The following USH2A variants were observed in gnomAD, a reference collection of about 807,000 sequenced individuals.
USH2A encodes the protein Usher syndrome 2A (autosomal recessive, mild).
USH2A carries 443 observed loss-of-function variants against 538.9 expected under a neutral mutation model. The observed-to-expected ratio is 0.82, with a 90% CI of 0.76 to 0.89. The LOEUF (loss-of-function observed/expected upper bound fraction) is 0.89. Among genes scored for constraint, USH2A ranks in the 40% least tolerant of loss-of-function variants. The probability of loss-of-function intolerance (pLI) is 0.00; values close to 1 mark genes in which losing one functional copy is unlikely to be tolerated. For missense variants in USH2A, 6,633 were observed against 6,324.8 expected, an observed-to-expected ratio of 1.05 and a Z score of -1.65; for synonymous variants, 2,413 against 2,273.5, an observed-to-expected ratio of 1.06 and a Z score of -1.75.
At chr1:215,776,229 T>C (rs374022243) in intron 55 of USH2A, among the ~76,000 whole-genome samples, 122 of 152,330 alleles carry the variant, frequency 8.0e-4, no homozygotes, top group African/African-American at 2.9e-3. Flanking sequence ...CTGTTTGCAT[T>C]AGCGAATATG....
chr1:215,634,192 T>C (rs1656400537), intron 70 of USH2A, among the ~76,000 whole-genome samples: 2 of 152,142 alleles, frequency 1.3e-5, no homozygotes, highest in African/African-American at 4.8e-5. Context: ...AATACCAATC[T>C]TCAGGCCCTA....
intron 55 of USH2A, among the ~76,000 whole-genome samples, 155 bp from the exon 56 acceptor site, chr1:215,766,943 G>A (rs1438568607): frequency 2.0e-5 from 3 of 152,162 alleles, no homozygotes; most frequent in Non-Finnish European, 4.4e-5. Flanking sequence ...AACCTCATAA[G>A]AGGCTAAGTA....
At chr1:216,361,859 A>T (rs941141589) in intron 4 of USH2A, among the ~76,000 whole-genome samples, 4 of 152,230 alleles carry the variant, frequency 2.6e-5, no homozygotes, top group Non-Finnish European at 5.9e-5. Flanking sequence ...GCATAGTGCT[A>T]AGCAAAAAGA....
intron 44 of USH2A, among the ~76,000 whole-genome samples, chr1:215,847,745 T>A (rs1240315434): frequency 6.6e-6 from 1 of 152,152 alleles, no homozygotes; most frequent in Non-Finnish European, 1.5e-5. Flanking sequence ...CAATTTCACT[T>A]ATATGTGAGA....
chr1:216,175,271 T>C lies in USH2A; in HGVS notation c.4608A>G (p.Pro1536=). ...GYCKFPSSTH[P]VNTDFTGIKA... Reference sequence around the variant, plus strand: ...ACTTACCAGTGAAGTCTGTATTGACTGGGTGAGTGGAGCTGGGAAATTTAC... The same window carrying C: ...ACTTACCAGTGAAGTCTGTATTGACCGGGTGAGTGGAGCTGGGAAATTTAC... The change falls in exon 21 of 72, where the codon CCA becomes CCG. Residue 1536 remains proline, a synonymous_variant. Transcript: ENST00000307340. 6.2e-7 allele frequency: 1 copy of C among 1,613,740 alleles called. No homozygotes were observed. The highest frequency in any genetic ancestry group is 8.5e-7 in the Non-Finnish European group (1 of 1,179,850).
chr1:215,758,155 A>G (rs1660867146), intron 58 of USH2A, among the ~76,000 whole-genome samples: 1 of 151,950 alleles, frequency 6.6e-6, no homozygotes, highest in Non-Finnish European at 1.5e-5. Context: ...GCATGGTGGC[A>G]TATGCTTGTA....
intron 40 of USH2A, among the ~76,000 whole-genome samples, chr1:215,898,346 G>C (rs536723142): frequency 6.6e-6 from 1 of 152,276 alleles, no homozygotes; most frequent in South Asian, 2.1e-4. Flanking sequence ...CTAACGATGT[G>C]TATGTGTGGT....
intron 21 of USH2A, among the ~76,000 whole-genome samples, chr1:216,170,441 T>C (rs2034254107): frequency 6.6e-6 from 1 of 152,116 alleles, no homozygotes; most frequent in Admixed American, 6.6e-5. Flanking sequence ...AGTAATCACA[T>C]TTCTCGTGAA....
chr1:215,944,842 A>T (rs910282257), intron 37 of USH2A, among the ~76,000 whole-genome samples: 6 of 152,190 alleles, frequency 3.9e-5, no homozygotes, highest in Non-Finnish European at 8.8e-5. Flanking sequence ...ATTTGTCCAA[A>T]ACATGAAACA....
At chr1:216,159,229 A>G (rs2034007086) in intron 21 of USH2A, among the ~76,000 whole-genome samples, 1 of 152,138 alleles carries the variant, frequency 6.6e-6, no homozygotes, top group African/African-American at 2.4e-5. Context: ...CCAGTACAAC[A>G]TTAAATAAAA....
At position 216,413,196 on chromosome 1, in the gene USH2A, A is replaced by G. The variant is rs75315873; in HGVS notation, c.651+5318T>C. On this transcript the variant is annotated intron_variant, in intron 3 of 71. Coordinates refer to ENST00000307340, the MANE Select transcript of USH2A (RefSeq NM_206933.4). ...CACACATATGCATGCATACTTACAC[A>G]CACATACACACACACACAGAGTCAG... Among the ~76,000 whole-genome samples the G allele has an allele frequency of 9.7e-4, 147 of 152,204 alleles. 1 individual carries two copies. The East Asian group carries it at 0.025, about 26-fold the overall frequency.
At chr1:216,121,082 A>G (rs1466387733) in intron 21 of USH2A, among the ~76,000 whole-genome samples, 3 of 152,222 alleles carry the variant, frequency 2.0e-5, no homozygotes, top group Non-Finnish European at 2.9e-5. Flanking sequence ...AGAGGGCATA[A>G]TATGTAACTT....
At chr1:215,947,729 A>G (rs1377276575) in intron 37 of USH2A, among the ~76,000 whole-genome samples, 2 of 152,214 alleles carry the variant, frequency 1.3e-5, no homozygotes, top group African/African-American at 4.8e-5. Flanking sequence ...ATTGTGTTTA[A>G]TGAAAGTACA....
In USH2A at chr1:216,006,755, C is replaced by T. The variant is rs1461853727; in HGVS notation, c.6326-6193G>A. On this transcript the variant is annotated intron_variant, in intron 32 of 71. Coordinates refer to ENST00000307340, the MANE Select transcript of USH2A (RefSeq NM_206933.4). Reference sequence around the variant, plus strand: ...AGGGTTTACATTGAAGCCCTTAGAGCTTCCTCTTCTAAACTCCTACAATGC... The same window carrying T: ...AGGGTTTACATTGAAGCCCTTAGAGTTTCCTCTTCTAAACTCCTACAATGC... Among the ~76,000 whole-genome samples, 3 of 152,190 alleles carry T rather than the reference C, an allele frequency of 2.0e-5. No homozygotes were observed. The East Asian group carries it at 5.8e-4, about 29-fold the overall frequency.
intron 37 of USH2A, among the ~76,000 whole-genome samples, chr1:215,964,556 C>T (rs1428121045): frequency 6.6e-6 from 1 of 152,144 alleles, no homozygotes. Context: ...AATAACATGT[C>T]TGACTGAATC....
At chr1:216,005,788 A>C (rs1306696785) in intron 32 of USH2A, among the ~76,000 whole-genome samples, 1 of 152,192 alleles carries the variant, frequency 6.6e-6, no homozygotes, top group African/African-American at 2.4e-5. Context: ...ACAATAAAAA[A>C]AATAAAAACA....
intron 14 of USH2A, among the ~76,000 whole-genome samples, chr1:216,226,895 T>C (rs1183768838): frequency 6.6e-6 from 1 of 152,162 alleles, no homozygotes; most frequent in Non-Finnish European, 1.5e-5. Context: ...TCTTCTAGCT[T>C]ACCTATCCAA....
chr1:216,206,378 G>GT (rs2035111863), intron 16 of USH2A, among the ~76,000 whole-genome samples: 1 of 152,114 alleles, frequency 6.6e-6, no homozygotes, highest in Non-Finnish European at 1.5e-5. Context: ...AGGAGGGATG[G>GT]TTTTGGCATG....
chr1:216,075,221 C>G (rs994780529), intron 27 of USH2A, among the ~76,000 whole-genome samples: 2 of 152,168 alleles, frequency 1.3e-5, no homozygotes, highest in African/African-American at 2.4e-5. Flanking sequence ...CCTCTGGCCT[C>G]TGGCCTTGGA....
Sources: gnomAD v4.1 joint callset for allele counts (sites outside exome capture counted in the v4.1 genomes callset) on GRCh38, gnomAD v4.1.1 for gene constraint, MANE v1.5 for transcripts, NCBI Gene and HGNC (gene_info 2026-07-23, HGNC 2026-07-21) for gene names.